GULP1: variants seen among roughly 807,000 people sequenced by gnomAD.
The protein encoded by GULP1 is GULP PTB domain containing engulfment adaptor 1, also known as PTB domain-containing engulfment adapter protein 1.
A neutral mutation model predicts 40.9 loss-of-function variants in GULP1; 19 were observed. The observed-to-expected ratio is 0.46, with a 90% confidence interval of 0.32 to 0.68. The LOEUF (loss-of-function observed/expected upper bound fraction) is 0.68, where lower values mean the gene tolerates loss of function less well. Among genes scored for constraint, GULP1 ranks in the 30% least tolerant of loss-of-function variants. The pLI, the probability that GULP1 is intolerant of heterozygous loss-of-function variation, is 0.03. For missense variants in GULP1, 312 were observed against 362.2 expected, an observed-to-expected ratio of 0.86 and a Z score of 1.12; for synonymous variants, 119 against 117.6, an observed-to-expected ratio of 1.01 and a Z score of -0.08.
At chr2:188,366,245 A>G (rs558617181) in intron 1 of GULP1, among the ~76,000 whole-genome samples, 1 of 152,250 alleles carries the variant, frequency 6.6e-6, no homozygotes, top group East Asian at 1.9e-4. Flanking sequence ...AACAAAGCAA[A>G]GCCCCCAAAC....
intron 2 of GULP1, among the ~76,000 whole-genome samples, chr2:188,400,036 C>T (rs1393918032): frequency 1.3e-5 from 2 of 152,038 alleles, no homozygotes; most frequent in African/African-American, 4.8e-5. Context: ...AACAGAGTGG[C>T]TTAAAACAAC....
intron 6 of GULP1, among the ~76,000 whole-genome samples, chr2:188,538,695 G>T (rs926572008): frequency 1.9e-5 from 2 of 107,882 alleles, no homozygotes; most frequent in Non-Finnish European, 3.7e-5. Flanking sequence ...GTGTGTGTGA[G>T]TGTGTGTGTG....
At chr2:188,481,052 A>G (rs1384789046) in intron 3 of GULP1, among the ~76,000 whole-genome samples, 4 of 151,958 alleles carry the variant, frequency 2.6e-5, no homozygotes, top group Admixed American at 6.6e-5. Flanking sequence ...ATCTAGATGC[A>G]TTTTGAAAAC....
At chr2:188,332,576 T>C (rs2041750340) in intron 1 of GULP1, among the ~76,000 whole-genome samples, 1 of 152,110 alleles carries the variant, frequency 6.6e-6, no homozygotes, top group South Asian at 2.1e-4. Context: ...TAATTCCTAC[T>C]ATAGCAGGGG....
intron 1 of GULP1, among the ~76,000 whole-genome samples, chr2:188,375,946 G>C: frequency 6.6e-6 from 1 of 152,128 alleles, no homozygotes; most frequent in East Asian, 1.9e-4. Context: ...ACTCAAGTAA[G>C]GCTGCAGTAG....
At chr2:188,389,235 C>T (rs368056037) in intron 2 of GULP1, among the ~76,000 whole-genome samples, 1 of 152,102 alleles carries the variant, frequency 6.6e-6, no homozygotes, top group East Asian at 1.9e-4. Context: ...TGTGTTCAAA[C>T]CTTTGCTAGA....
At chr2:188,404,023 A>C (rs1195543332) in intron 2 of GULP1, among the ~76,000 whole-genome samples, 1 of 152,156 alleles carries the variant, frequency 6.6e-6, no homozygotes. Flanking sequence ...ACTCTCACTA[A>C]AGACAGACTT....
intron 4 of GULP1, among the ~76,000 whole-genome samples, chr2:188,501,259 C>G (rs1312024138): frequency 2.0e-5 from 3 of 151,780 alleles, no homozygotes; most frequent in Admixed American, 2.0e-4. Flanking sequence ...ATAGTGAGTT[C>G]TCATGAGATC....
intron 1 of GULP1, among the ~76,000 whole-genome samples, chr2:188,382,422 A>G (rs1045191552): frequency 1.3e-5 from 2 of 152,300 alleles, no homozygotes; most frequent in Non-Finnish European, 2.9e-5. Context: ...CTGTGTTGGT[A>G]GGAGGTCTTC....
At chr2:188,492,599 G>A (rs1173253791) in intron 4 of GULP1, among the ~76,000 whole-genome samples, 1 of 151,832 alleles carries the variant, frequency 6.6e-6, no homozygotes, top group Non-Finnish European at 1.5e-5. Flanking sequence ...CTGTAAGTAA[G>A]GAAAGTGATG....
intron 7 of GULP1, among the ~76,000 whole-genome samples, chr2:188,548,940 C>G (rs1692706311): frequency 6.6e-6 from 1 of 151,746 alleles, no homozygotes; most frequent in African/African-American, 2.4e-5. Flanking sequence ...ACCTCACACT[C>G]TATCTAAAAA....
At chr2:188,446,890 A>T (rs897321971) in intron 2 of GULP1, among the ~76,000 whole-genome samples, 2 of 152,122 alleles carry the variant, frequency 1.3e-5, no homozygotes, top group South Asian at 4.1e-4. Flanking sequence ...AAAAGAGTCA[A>T]ACTCTGTAAA....
chr2:188,460,765 A>C (rs1191613516), intron 2 of GULP1, among the ~76,000 whole-genome samples: 1 of 152,146 alleles, frequency 6.6e-6, no homozygotes, highest in Non-Finnish European at 1.5e-5. Flanking sequence ...GTCTCCGTTC[A>C]GTATGACACT....
intron 1 of GULP1, among the ~76,000 whole-genome samples, chr2:188,371,504 T>A (rs931625598): frequency 6.6e-6 from 1 of 152,130 alleles, no homozygotes; most frequent in Non-Finnish European, 1.5e-5. Context: ...TGCTACTAAC[T>A]CATCTTTCAA....
chr2:188,388,608 A>T (rs1373888239), intron 2 of GULP1, among the ~76,000 whole-genome samples: 1 of 152,126 alleles, frequency 6.6e-6, no homozygotes, highest in African/African-American at 2.4e-5. Context: ...TGTTAGACTA[A>T]TGAAGAGAGA....
At chr2:188,345,699 A>G (rs2043553015) in intron 1 of GULP1, among the ~76,000 whole-genome samples, 1 of 152,202 alleles carries the variant, frequency 6.6e-6, no homozygotes, top group Non-Finnish European at 1.5e-5. Flanking sequence ...GTGAATGGAA[A>G]GAGGCAGGAT....
rs2037658942 is a variant in GULP1, at chr2:188,309,239, G to A, written c.-172+17073G>A. ...CCAGCACTTTGGGAGGTTGAGGTGG[G>A]CAGGTTGCTTGAGCCCAGCAGTTCA... On this transcript the variant is annotated intron_variant, in intron 1 of 11. Coordinates refer to ENST00000409830, the MANE Select transcript of GULP1 (RefSeq NM_016315.4). Among the ~76,000 whole-genome samples, 2 of 152,238 alleles carry A rather than the reference G, an allele frequency of 1.3e-5. 1 individual carries two copies. Among genetic ancestry groups the A allele is most frequent in the Middle Eastern group, 6.8e-3 (2 of 294 alleles).
At chr2:188,529,399 A>G (rs1290703566) in intron 6 of GULP1, among the ~76,000 whole-genome samples, 1 of 152,150 alleles carries the variant, frequency 6.6e-6, no homozygotes, top group African/African-American at 2.4e-5. Context: ...TTTGGGATAT[A>G]ATATTAATAA....
intron 2 of GULP1, among the ~76,000 whole-genome samples, chr2:188,465,684 C>T (rs1327088571): frequency 1.3e-5 from 2 of 152,068 alleles, no homozygotes; most frequent in Admixed American, 6.6e-5. Context: ...CTTGGGCGAG[C>T]GTCACCTGAG....
Sources: gnomAD v4.1 joint callset for allele counts (sites outside exome capture counted in the v4.1 genomes callset) on GRCh38, gnomAD v4.1.1 for gene constraint, MANE v1.5 for transcripts, NCBI Gene and HGNC (gene_info 2026-07-23, HGNC 2026-07-21) for gene names.